DPP6: variants seen among roughly 807,000 people sequenced by gnomAD.
DPP6 encodes A-type potassium channel modulatory protein DPP6.
Under a neutral mutation model 122.6 loss-of-function variants are expected in DPP6, and 69 were observed. The observed-to-expected ratio is 0.56, with a 90% CI of 0.46 to 0.69. The LOEUF is 0.69. Among genes scored for constraint, DPP6 ranks in the 30% least tolerant of loss-of-function variants. The pLI is 0.00. For synonymous variants in DPP6, 418 were observed against 433.1 expected, an observed-to-expected ratio of 0.97 and a Z score of 0.43; for missense variants, 928 against 1,116.9, an observed-to-expected ratio of 0.83 and a Z score of 2.41.
chr7:154,164,180 T>TCCCTGCCCTG (rs541105536), intron 1 of DPP6, among the ~76,000 whole-genome samples: 5,790 of 148,468 alleles, frequency 0.039, 487 homozygotes, highest in African/African-American at 0.14. Flanking sequence ...CTAAGAGTCT[T>TCCCTGCCCTG]CCCTGCCCTG....
intron 1 of DPP6, among the ~76,000 whole-genome samples, chr7:154,218,045 C>G (rs1800100732): frequency 6.6e-6 from 1 of 152,224 alleles, no homozygotes. Flanking sequence ...AAAAAAGAAG[C>G]CAAATAAATC....
At chr7:154,526,288 T>C (rs1289424577) in intron 3 of DPP6, among the ~76,000 whole-genome samples, 4 of 152,226 alleles carry the variant, frequency 2.6e-5, no homozygotes, top group African/African-American at 9.7e-5. Flanking sequence ...GGAGGTCTGC[T>C]CACCACCTTT....
At chr7:154,332,285 T>A (rs1265439568) in intron 1 of DPP6, among the ~76,000 whole-genome samples, 1 of 152,176 alleles carries the variant, frequency 6.6e-6, no homozygotes, top group Non-Finnish European at 1.5e-5. Flanking sequence ...TTGGCCAGGC[T>A]GGTCTCAAAC....
chr7:154,164,530 T>A (rs1370901774), intron 1 of DPP6, among the ~76,000 whole-genome samples: 2 of 152,146 alleles, frequency 1.3e-5, no homozygotes, highest in Non-Finnish European at 2.9e-5. Context: ...GTTTTTAGTA[T>A]TTTCAGAGAA....
At chr7:154,585,370 T>C (rs554332988) in intron 5 of DPP6, among the ~76,000 whole-genome samples, 1 of 152,344 alleles carries the variant, frequency 6.6e-6, no homozygotes, top group Admixed American at 6.5e-5. Context: ...CAGACTTTCA[T>C]TACTGCATCC....
At position 154,727,904 on chromosome 7, in the gene DPP6, G is replaced by A; in HGVS notation, c.883+17G>A. 4.5e-6 allele frequency: 7 copies of A among 1,561,608 alleles called. No homozygotes were observed. The highest frequency in any genetic ancestry group is 6.1e-6 in the Non-Finnish European group (7 of 1,151,116). On this transcript the variant is annotated intron_variant, in intron 8 of 25. Coordinates refer to ENST00000377770, the MANE Select transcript of DPP6 (RefSeq NM_130797.4). ...TGTATGAAGGTAAGATGTGCACAGA[G>A]AGAAAAAAGGAAGATTTGTGGTTGC...
At chr7:154,240,627 T>C (rs192816152) in intron 1 of DPP6, among the ~76,000 whole-genome samples, 1 of 152,326 alleles carries the variant, frequency 6.6e-6, no homozygotes, top group Admixed American at 6.5e-5. Context: ...TGTTTAATGG[T>C]GTTTCCTACA....
At chr7:154,577,469 G>A (rs894027460) in intron 5 of DPP6, among the ~76,000 whole-genome samples, 2,257 of 152,192 alleles carry the variant, frequency 0.015, 28 homozygotes, top group South Asian at 0.037. Context: ...CAAGGATTAG[G>A]TCCTCCAAAG....
At chr7:154,374,087 AC>A (rs1428413956) in intron 1 of DPP6, among the ~76,000 whole-genome samples, 3 of 152,298 alleles carry the variant, frequency 2.0e-5, no homozygotes, top group South Asian at 4.2e-4. Context: ...AATCTGCCTA[AC>A]CCTGTCACGT....
intron 1 of DPP6, among the ~76,000 whole-genome samples, chr7:153,943,346 G>A (rs1300471500): frequency 6.6e-6 from 1 of 152,154 alleles, no homozygotes; most frequent in Non-Finnish European, 1.5e-5. Context: ...TTATATGTCC[G>A]AGAGAGTGAC....
intron 1 of DPP6, among the ~76,000 whole-genome samples, chr7:154,153,576 A>G (rs1796532075): frequency 6.6e-6 from 1 of 152,196 alleles, no homozygotes; most frequent in South Asian, 2.1e-4. Flanking sequence ...CACAGCTGAC[A>G]GCCAATACAC....
intron 1 of DPP6, among the ~76,000 whole-genome samples, chr7:154,027,458 T>C (rs1174468326): frequency 1.3e-5 from 2 of 152,162 alleles, no homozygotes; most frequent in Non-Finnish European, 2.9e-5. Context: ...TCTCGCTGTG[T>C]CCTCATGTGG....
chr7:154,230,274 A>G (rs1287949567), intron 1 of DPP6, among the ~76,000 whole-genome samples: 1 of 152,240 alleles, frequency 6.6e-6, no homozygotes, highest in Non-Finnish European at 1.5e-5. Context: ...AATAGGAAGT[A>G]GGTAAAGATT....
At chr7:154,256,555 T>C (rs1802672090) in intron 1 of DPP6, among the ~76,000 whole-genome samples, 1 of 152,254 alleles carries the variant, frequency 6.6e-6, no homozygotes, top group African/African-American at 2.4e-5. Flanking sequence ...CTCCAAATTA[T>C]GAACAGAATC....
chr7:154,648,061 AC>A (rs1400987108), intron 6 of DPP6, among the ~76,000 whole-genome samples: 1 of 149,880 alleles, frequency 6.7e-6, no homozygotes, highest in East Asian at 2.0e-4. Context: ...GACCAGCCTG[AC>A]CAACATGGTG....
At chr7:154,155,193 C>T (rs1796619243) in intron 1 of DPP6, among the ~76,000 whole-genome samples, 1 of 152,212 alleles carries the variant, frequency 6.6e-6, no homozygotes. Flanking sequence ...CCCTAGGTGC[C>T]TGTGTTTCCC....
chr7:153,872,502 A>G, the DPP6 span, among the ~76,000 whole-genome samples: 1 of 152,218 alleles, frequency 6.6e-6, no homozygotes, highest in African/African-American at 2.4e-5. Context: ...AAGAATTCTC[A>G]TTGATGTAGC....
chr7:154,302,087 A>C (rs1187672991), intron 1 of DPP6, among the ~76,000 whole-genome samples: 1 of 152,116 alleles, frequency 6.6e-6, no homozygotes, highest in African/African-American at 2.4e-5. Flanking sequence ...TTAGTGTGCA[A>C]GTTATCTGTA....
At chr7:154,838,173 C>A (rs544828978) in intron 16 of DPP6, among the ~76,000 whole-genome samples, 94 of 152,310 alleles carry the variant, frequency 6.2e-4, no homozygotes, top group African/African-American at 2.1e-3. Context: ...TAAAATAATT[C>A]TTAAATAATT....
Sources: gnomAD v4.1 joint callset for allele counts (sites outside exome capture counted in the v4.1 genomes callset) on GRCh38, gnomAD v4.1.1 for gene constraint, MANE v1.5 for transcripts, NCBI Gene and HGNC (gene_info 2026-07-23, HGNC 2026-07-21) for gene names.